The following ADAM10 variants were observed in gnomAD, a reference collection of about 807,000 sequenced individuals.
ADAM10 encodes the protein ADAM metallopeptidase domain 10, also known as disintegrin and metalloproteinase domain-containing protein 10.
ADAM10 carries 17 observed loss-of-function variants against 90.1 expected under a neutral mutation model. The observed-to-expected ratio is 0.19, with a 90% CI of 0.13 to 0.28. ADAM10 has a LOEUF of 0.28. Among genes scored for constraint, ADAM10 ranks in the 10% least tolerant of loss-of-function variants. The pLI, the probability that ADAM10 is intolerant of heterozygous loss-of-function variation, is 1.00. For synonymous variants in ADAM10, 310 were observed against 298.6 expected (o/e 1.04, Z -0.40); for missense variants, 610 against 914.3 (o/e 0.67, Z 4.29).
At chr15:58,636,177 T>C (rs1016364400) in intron 8 of ADAM10, among the ~76,000 whole-genome samples, 9 of 151,646 alleles carry the variant, frequency 5.9e-5, no homozygotes, top group Non-Finnish European at 1.3e-4. Flanking sequence ...CTCAGGAGGC[T>C]GAGGCAGGGG....
In ADAM10 at chr15:58,665,914, C is replaced by T. The variant is rs547340117; in HGVS notation, c.485-717G>A. The stretch of plus-strand genomic sequence containing the variant: ...ATTCATCATCATTCATCATTCATGA[C>T]GATGATCCTTCCACTACACTCAGTT... On this transcript the variant is annotated intron_variant, in intron 4 of 15. Transcript: ENST00000260408. Among the ~76,000 whole-genome samples the T allele has an allele frequency of 2.0e-3, 303 of 152,062 alleles. 1 individual carries two copies. Among genetic ancestry groups the T allele is most frequent in the African/African-American group, 6.8e-3 (283 of 41,496 alleles).
intron 2 of ADAM10, among the ~76,000 whole-genome samples, chr15:58,707,083 G>GT (rs1268646099): frequency 6.0e-5 from 3 of 49,948 alleles, no homozygotes; most frequent in Admixed American, 2.1e-4. Context: ...ATAAACTTTG[G>GT]GGGGGGGAAA....
At chr15:58,655,693 ATAG>A (rs1896795443) in intron 5 of ADAM10, among the ~76,000 whole-genome samples, 1 of 79,108 alleles carries the variant, frequency 1.3e-5, no homozygotes, top group African/African-American at 8.0e-5. Context: ...TATATTATAT[ATAG>A]TATATATATA....
intron 5 of ADAM10, among the ~76,000 whole-genome samples, chr15:58,657,652 C>G (rs1896860805): frequency 6.6e-6 from 1 of 152,180 alleles, no homozygotes; most frequent in African/African-American, 2.4e-5. Context: ...AATTCTCTAT[C>G]TGAAAGGTCA....
intron 14 of ADAM10, among the ~76,000 whole-genome samples, chr15:58,603,392 A>G (rs2140990727): frequency 6.6e-6 from 1 of 152,286 alleles, no homozygotes; most frequent in East Asian, 1.9e-4. Context: ...TACTCTGACA[A>G]CAACCGTACA....
chr15:58,742,385 T>C (rs1446524066), intron 1 of ADAM10, among the ~76,000 whole-genome samples: 1 of 152,248 alleles, frequency 6.6e-6, no homozygotes, highest in Non-Finnish European at 1.5e-5. Flanking sequence ...TGTATCACTT[T>C]CTCACCATCA....
At chr15:58,639,683 T>C (rs1311353027) in intron 8 of ADAM10, among the ~76,000 whole-genome samples, 1 of 152,074 alleles carries the variant, frequency 6.6e-6, no homozygotes, top group Admixed American at 6.5e-5. Flanking sequence ...TGAAATTGAG[T>C]ACATTTTAAA....
rs1393994580 is a variant in ADAM10, at chr15:58,594,693, G to A, written c.*2854C>T. On this transcript the variant is annotated 3_prime_UTR_variant, in exon 16 of 16. Coordinates refer to ENST00000260408, the MANE Select transcript of ADAM10 (RefSeq NM_001110.4). The stretch of plus-strand genomic sequence containing the variant: ...TTTATAAAACTGGGGAGGGAGGGAT[G>A]GAGGGAGAGAGGACGGACTGTAAAC... 6 of 152,068 alleles carry A rather than the reference G, an allele frequency of 3.9e-5. No individual in the cohort carries two copies. The highest frequency in any genetic ancestry group is 1.4e-4 in the African/African-American group (6 of 41,408). The allele number at this position is 152,068 out of a possible 1,614,324, so 9.4% of individuals were successfully genotyped here.
intron 1 of ADAM10, chr15:58,748,618 C>CT: frequency 3.7e-6 from 1 of 271,508 alleles, no homozygotes. Flanking sequence ...CACTGTACAT[C>CT]TACTCCACCT....
At chr15:58,745,481 T>C (rs1324705426) in intron 1 of ADAM10, among the ~76,000 whole-genome samples, 2 of 152,210 alleles carry the variant, frequency 1.3e-5, no homozygotes, top group South Asian at 2.1e-4. Flanking sequence ...TCATTCTATA[T>C]TAAAGACCTT....
Position 58,688,786 on chromosome 15 carries a change from A to ATATATATATATATATCTCTCTC in ADAM10, c.207-6473_207-6472insGAGAGAGATATATATATATATA. Among the ~76,000 whole-genome samples the ATATATATATATATATCTCTCTC allele has an allele frequency of 2.3e-3, 287 of 122,308 alleles. 3 individuals carry two copies. The highest frequency in any genetic ancestry group is 9.9e-3 in the African/African-American group (274 of 27,770). The allele number at this position is 122,308 out of a possible 152,430, so 80.2% of individuals were successfully genotyped here. Reference sequence around the variant, plus strand: ...AAAAATTATATATATATATATATATATCTCTCTCTCTCACTGGACTGACTT... The same window carrying ATATATATATATATATCTCTCTC: ...AAAAATTATATATATATATATATATATATATATATATATATCTCTCTCTCTCTCTCTCTCACTGGACTGACTT... On this transcript the variant is annotated intron_variant, in intron 2 of 15. Coordinates refer to ENST00000260408, the MANE Select transcript of ADAM10 (RefSeq NM_001110.4).
At chr15:58,731,721 T>A (rs1899251660) in intron 1 of ADAM10, among the ~76,000 whole-genome samples, 1 of 152,146 alleles carries the variant, frequency 6.6e-6, no homozygotes, top group Admixed American at 6.5e-5. Context: ...CCACCCAAGG[T>A]AACTGGTATG....
intron 2 of ADAM10, chr15:58,707,169 G>A (rs12440267): frequency 0.14 from 21,084 of 151,658 alleles, 1,740 homozygotes; most frequent in South Asian, 0.32. Flanking sequence ...GATCACCTGA[G>A]GTCAGGAGTT....
intron 5 of ADAM10, among the ~76,000 whole-genome samples, chr15:58,656,963 T>C (rs1387599808): frequency 6.6e-6 from 1 of 152,236 alleles, no homozygotes; most frequent in East Asian, 1.9e-4. Context: ...TCCCTGAATA[T>C]ACTGCTATAG....
chr15:58,698,607 T>C (rs993176478), intron 2 of ADAM10, among the ~76,000 whole-genome samples: 34 of 145,106 alleles, frequency 2.3e-4, no homozygotes, highest in African/African-American at 8.4e-4. Context: ...ACAGATATCA[T>C]AAAAAAGAAC....
chr15:58,632,736 A>C (rs1189936152), intron 9 of ADAM10, among the ~76,000 whole-genome samples: 1 of 152,246 alleles, frequency 6.6e-6, no homozygotes, highest in African/African-American at 2.4e-5. Context: ...TTAAATTATC[A>C]ATCTCATTCC....
intron 2 of ADAM10, among the ~76,000 whole-genome samples, chr15:58,689,237 G>C (rs1363478726): frequency 6.6e-6 from 1 of 152,168 alleles, no homozygotes; most frequent in Non-Finnish European, 1.5e-5. Flanking sequence ...TGTAATCCTA[G>C]CACTTTGGGA....
At chr15:58,616,807 T>TA (rs1165138798) in intron 11 of ADAM10, among the ~76,000 whole-genome samples, 2 of 151,794 alleles carry the variant, frequency 1.3e-5, no homozygotes, top group Non-Finnish European at 2.9e-5. Context: ...AAATTGAGAC[T>TA]AAAAAAATAC....
intron 5 of ADAM10, among the ~76,000 whole-genome samples, chr15:58,660,019 C>T (rs780832005): frequency 3.9e-5 from 6 of 152,154 alleles, no homozygotes; most frequent in South Asian, 2.1e-4. Context: ...TGAGCCAATA[C>T]GCCTGGCCGT....
Sources: allele counts gnomAD v4.1 joint callset (sites outside exome capture counted in the v4.1 genomes callset), GRCh38; gene constraint gnomAD v4.1.1; transcripts MANE v1.5; gene names NCBI Gene and HGNC (gene_info 2026-07-23, HGNC 2026-07-21).